The following ZNF385B variants were observed in gnomAD, a reference collection of about 807,000 sequenced individuals.
ZNF385B encodes the protein zinc finger protein 533.
ZNF385B carries 23 observed loss-of-function variants against 39.2 expected under a neutral mutation model. That is an observed-to-expected ratio of 0.59 (90% CI 0.42 to 0.83). The LOEUF is 0.83. ZNF385B is among the 40% of genes least tolerant of loss of function. The pLI is 0.00. For synonymous variants in ZNF385B, 205 were observed against 222.6 expected (o/e 0.92, Z 0.70); for missense variants, 552 against 598.9 (o/e 0.92, Z 0.82).
At position 179,518,567 on chromosome 2, in the gene ZNF385B, A is replaced by T. The variant is rs1175545378; in HGVS notation, c.513T>A (p.Val171=). The change falls in exon 5 of 10, where the codon GTT becomes GTA. Residue 171 remains valine (V), a synonymous_variant. Coordinates refer to ENST00000410066, the MANE Select transcript of ZNF385B (RefSeq NM_152520.6). The part of the protein sequence containing the change: ...GVSIPPKKKQ[V]ISCNVCQLRF... ...GAAGCTGACAGACATTACAAGAAAT[A>T]ACTTGTTTCTTCTTTGGGGGAATGG... 6.2e-7 allele frequency: 1 copy of T among 1,610,434 alleles called. No homozygotes were observed. Among genetic ancestry groups the T allele is most frequent in the Non-Finnish European group, 8.5e-7 (1 of 1,178,786 alleles).
At chr2:179,771,112 G>A (rs1703983864) in intron 1 of ZNF385B, among the ~76,000 whole-genome samples, 1 of 152,024 alleles carries the variant, frequency 6.6e-6, no homozygotes, top group Admixed American at 6.6e-5. Flanking sequence ...AAGAGATGAG[G>A]GGTTTATATG....
chr2:179,779,772 C>G (rs1402122648), intron 1 of ZNF385B, among the ~76,000 whole-genome samples: 1 of 152,042 alleles, frequency 6.6e-6, no homozygotes, highest in African/African-American at 2.4e-5. Flanking sequence ...ATGGTTCTAA[C>G]CCGATTGGGT....
chr2:179,644,146 T>C (rs1409294717), intron 3 of ZNF385B, among the ~76,000 whole-genome samples: 1 of 152,138 alleles, frequency 6.6e-6, no homozygotes, highest in African/African-American at 2.4e-5. Context: ...CCAGTTTGGC[T>C]TCTAACTACT....
intron 3 of ZNF385B, among the ~76,000 whole-genome samples, chr2:179,640,657 C>A (rs945922116): frequency 6.6e-6 from 1 of 151,898 alleles, no homozygotes; most frequent in Non-Finnish European, 1.5e-5. Context: ...TGATGATCAG[C>A]AAATTGCTAA....
chr2:179,828,670 T>A (rs761275123), intron 1 of ZNF385B, among the ~76,000 whole-genome samples: 39 of 152,104 alleles, frequency 2.6e-4, no homozygotes, highest in Non-Finnish European at 4.7e-4. Flanking sequence ...AGTTTGAGAG[T>A]ATGAAAATTA....
In ZNF385B at chr2:179,605,162, A is replaced by C. The variant is rs117501226; in HGVS notation, c.299-60193T>G. 2.6e-5 allele frequency among the ~76,000 whole-genome samples: 4 copies of C among 152,296 alleles called. No individual in the cohort carries two copies. The East Asian group carries it at 5.8e-4, about 22-fold the overall frequency. The stretch of plus-strand genomic sequence containing the variant: ...ATGTATTTTGACATGTTAAATGTTA[A>C]TAACAGATTTTTTATAGAAGTATTT... On this transcript the variant is annotated intron_variant, in intron 3 of 9. Coordinates refer to ENST00000410066, the MANE Select transcript of ZNF385B (RefSeq NM_152520.6).
intron 3 of ZNF385B, among the ~76,000 whole-genome samples, chr2:179,653,027 T>C (rs2106251878): frequency 6.6e-6 from 1 of 152,236 alleles, no homozygotes; most frequent in Non-Finnish European, 1.5e-5. Context: ...TAGCCCATAA[T>C]ATATGCTCAA....
At chr2:179,585,405 G>A (rs1336555174) in intron 3 of ZNF385B, among the ~76,000 whole-genome samples, 2 of 151,938 alleles carry the variant, frequency 1.3e-5, no homozygotes, top group Non-Finnish European at 2.9e-5. Flanking sequence ...CATGATTCAG[G>A]GTGTCTTTAT....
rs531847836 is a variant in ZNF385B, at chr2:179,733,377, A to G, written c.298+36126T>C. On this transcript the variant is annotated intron_variant, in intron 3 of 9. Coordinates refer to ENST00000410066, the MANE Select transcript of ZNF385B (RefSeq NM_152520.6). Reference sequence around the variant, plus strand: ...CAACTCTACAAGCTTTTTCTGTGATAACTTTTGATCACATCACATTCCTTC... The same window carrying G: ...CAACTCTACAAGCTTTTTCTGTGATGACTTTTGATCACATCACATTCCTTC... Among the ~76,000 whole-genome samples the G allele has an allele frequency of 6.6e-5, 10 of 152,340 alleles. No individual in the cohort carries two copies. In the East Asian group the frequency reaches 1.9e-3, roughly 29 times the overall value.
chr2:179,680,393 A>G (rs1342607079), intron 3 of ZNF385B, among the ~76,000 whole-genome samples: 1 of 152,190 alleles, frequency 6.6e-6, no homozygotes, highest in Non-Finnish European at 1.5e-5. Flanking sequence ...TACATATTGT[A>G]TAATTCCATT....
At chr2:179,478,441 G>C (rs1285676586) in intron 6 of ZNF385B, among the ~76,000 whole-genome samples, 1 of 152,156 alleles carries the variant, frequency 6.6e-6, no homozygotes, top group Admixed American at 6.6e-5. Context: ...TCCATCAAAG[G>C]GTTAAGAAAG....
chr2:179,558,212 C>T (rs1440337982), intron 3 of ZNF385B, among the ~76,000 whole-genome samples: 1 of 152,122 alleles, frequency 6.6e-6, no homozygotes, highest in Non-Finnish European at 1.5e-5. Context: ...CTCTGCAGTT[C>T]ACACTAAGAG....
At chr2:179,576,497 T>C (rs1685834455) in intron 3 of ZNF385B, among the ~76,000 whole-genome samples, 1 of 152,182 alleles carries the variant, frequency 6.6e-6, no homozygotes, top group Non-Finnish European at 1.5e-5. Flanking sequence ...ACTATTTCTA[T>C]GCATTTTTAA....
At chr2:179,493,715 G>GCATATACGTATATACATATATGTATA (rs1559337129) in intron 5 of ZNF385B, among the ~76,000 whole-genome samples, 2 of 51,102 alleles carry the variant, frequency 3.9e-5, no homozygotes, top group Non-Finnish European at 9.0e-5. Flanking sequence ...ATACACATAT[G>GCATATACGTATATACATATATGTATA]CATATACGTA....
At chr2:179,843,093 C>T (rs1179769732) in intron 1 of ZNF385B, among the ~76,000 whole-genome samples, 1 of 152,202 alleles carries the variant, frequency 6.6e-6, no homozygotes, top group Non-Finnish European at 1.5e-5. Flanking sequence ...TCTCTCTCTT[C>T]CATTCTTTCA....
intron 3 of ZNF385B, among the ~76,000 whole-genome samples, chr2:179,659,059 G>A (rs1040638022): frequency 6.6e-6 from 1 of 152,202 alleles, no homozygotes; most frequent in African/African-American, 2.4e-5. Flanking sequence ...TTGCAGGCGC[G>A]AGCCACCATG....
At chr2:179,680,908 T>C (rs954446041) in intron 3 of ZNF385B, among the ~76,000 whole-genome samples, 9 of 152,124 alleles carry the variant, frequency 5.9e-5, no homozygotes, top group Admixed American at 5.9e-4. Flanking sequence ...AATATAGATA[T>C]ATGAACTGAG....
chr2:179,456,669 T>A (rs905776350), intron 6 of ZNF385B, among the ~76,000 whole-genome samples: 1 of 152,178 alleles, frequency 6.6e-6, no homozygotes, highest in African/African-American at 2.4e-5. Flanking sequence ...TTGCAGTCAT[T>A]ATTTGAAAAT....
At chr2:179,509,395 T>A (rs1275352889) in intron 5 of ZNF385B, among the ~76,000 whole-genome samples, 1 of 152,186 alleles carries the variant, frequency 6.6e-6, no homozygotes, top group African/African-American at 2.4e-5. Context: ...TCAAAAAAGA[T>A]GACTGAACTT....
Sources: allele counts gnomAD v4.1 joint callset (sites outside exome capture counted in the v4.1 genomes callset), GRCh38; gene constraint gnomAD v4.1.1; transcripts MANE v1.5; gene names NCBI Gene and HGNC (gene_info 2026-07-23, HGNC 2026-07-21).